The following MYRIP variants were observed in gnomAD, a reference collection of about 807,000 sequenced individuals.
MYRIP encodes the protein myosin VIIA and Rab interacting protein.
MYRIP carries 49 observed loss-of-function variants against 98.0 expected under a neutral mutation model. The ratio of observed to expected loss-of-function variants is 0.50; its 90% confidence interval spans 0.40 to 0.63. The LOEUF is 0.63. MYRIP is among the 30% of genes least tolerant of loss of function. MYRIP has a pLI of 0.00. For missense variants in MYRIP, 1,004 were observed against 1,058.2 expected (o/e 0.95, Z 0.71); for synonymous variants, 404 against 409.5 (o/e 0.99, Z 0.16).
intron 16 of MYRIP, among the ~76,000 whole-genome samples, chr3:40,254,962 T>C (rs1375816907): frequency 6.6e-6 from 1 of 152,188 alleles, no homozygotes; most frequent in Non-Finnish European, 1.5e-5. Flanking sequence ...CCTATCATTG[T>C]CCCTGTCTCA....
At chr3:40,098,842 C>T (rs1026449860) in intron 3 of MYRIP, among the ~76,000 whole-genome samples, 11 of 139,832 alleles carry the variant, frequency 7.9e-5, no homozygotes, top group Non-Finnish European at 3.0e-5. Context: ...TGACATTTTA[C>T]AGTCATTTCC....
At chr3:40,031,392 C>A (rs1303141801) in intron 2 of MYRIP, among the ~76,000 whole-genome samples, 2 of 152,134 alleles carry the variant, frequency 1.3e-5, no homozygotes, top group South Asian at 4.1e-4. Context: ...GAATTTAAAA[C>A]CAGAGTGGTC....
At chr3:39,952,664 C>T (rs752344693) in intron 2 of MYRIP, among the ~76,000 whole-genome samples, 7 of 152,016 alleles carry the variant, frequency 4.6e-5, no homozygotes, top group East Asian at 1.9e-4. Flanking sequence ...GAATGAAATA[C>T]GAAGTGTTTT....
At chr3:40,164,606 T>C (rs984638616) in intron 5 of MYRIP, among the ~76,000 whole-genome samples, 5 of 152,224 alleles carry the variant, frequency 3.3e-5, no homozygotes. Context: ...TTTGATTAAA[T>C]AACTGGGTAC....
intron 2 of MYRIP, among the ~76,000 whole-genome samples, chr3:39,959,420 G>A (rs7652018): frequency 0.39 from 59,426 of 151,614 alleles, 12,046 homozygotes; most frequent in African/African-American, 0.49. Flanking sequence ...AACTATCGCA[G>A]GGACAGAAAA....
rs1224210763 is a variant in MYRIP at position 39,886,419 on chromosome 3, T to A, written c.-30-14368T>A. Among the ~76,000 whole-genome samples the A allele has an allele frequency of 5.4e-5, 8 of 148,444 alleles. No individual in the cohort carries two copies. In the South Asian group the frequency reaches 6.5e-4, roughly 12 times the overall value. On this transcript the variant is annotated intron_variant, in intron 1 of 16. Coordinates refer to ENST00000302541, the MANE Select transcript of MYRIP (RefSeq NM_015460.4). ...AAATTGGATAAAGAGTCAAGACCCATCAGTGTGCTGTATTCAGGAAACCCA... is the reference window on the plus strand; with the variant it reads ...AAATTGGATAAAGAGTCAAGACCCAACAGTGTGCTGTATTCAGGAAACCCA...
At chr3:40,060,898 A>T (rs1947999300) in intron 3 of MYRIP, among the ~76,000 whole-genome samples, 1 of 152,116 alleles carries the variant, frequency 6.6e-6, no homozygotes, top group Admixed American at 6.6e-5. Flanking sequence ...CGACCTAGAT[A>T]TTTTTATATT....
chr3:40,220,144 T>C (rs1952291663), intron 11 of MYRIP, among the ~76,000 whole-genome samples: 1 of 152,092 alleles, frequency 6.6e-6, no homozygotes, highest in Non-Finnish European at 1.5e-5. Context: ...TTTTGAGAAG[T>C]GTCTGTTCAT....
chr3:40,117,184 G>C (rs1290886265), intron 3 of MYRIP, among the ~76,000 whole-genome samples: 1 of 152,090 alleles, frequency 6.6e-6, no homozygotes, highest in Admixed American at 6.6e-5. Flanking sequence ...CCACCCTTTG[G>C]TGGCCAGTTT....
chr3:39,951,760 C>A (rs1028091886), intron 2 of MYRIP, among the ~76,000 whole-genome samples: 5 of 152,024 alleles, frequency 3.3e-5, no homozygotes, highest in African/African-American at 1.2e-4. Flanking sequence ...GTTTGCTGAC[C>A]CCTATTCTAG....
chr3:40,057,427 C>T (rs2371141), intron 3 of MYRIP, among the ~76,000 whole-genome samples: 44,175 of 151,956 alleles, frequency 0.29, 6,502 homozygotes, highest in East Asian at 0.36. Context: ...CACATCAGAG[C>T]CCTTGAATGA....
intron 13 of MYRIP, among the ~76,000 whole-genome samples, chr3:40,247,988 C>A (rs563241737): frequency 6.6e-6 from 1 of 152,364 alleles, no homozygotes; most frequent in South Asian, 2.1e-4. Flanking sequence ...GCCAGGCATG[C>A]GGAAATTCTC....
At chr3:40,230,634 C>T (rs775208240) in intron 11 of MYRIP, among the ~76,000 whole-genome samples, 13 of 152,118 alleles carry the variant, frequency 8.5e-5, no homozygotes, top group Non-Finnish European at 1.5e-4. Flanking sequence ...GTGCATGGTC[C>T]ACACCCACCC....
intron 1 of MYRIP, chr3:39,810,575 A>C (rs1940643689): frequency 6.6e-6 from 1 of 152,240 alleles, no homozygotes; most frequent in Non-Finnish European, 1.5e-5. Flanking sequence ...GGGGCTCTAC[A>C]TAGATTTGGA....
chr3:39,963,002 TAAA>T (rs1262596777), intron 2 of MYRIP, among the ~76,000 whole-genome samples: 3 of 152,238 alleles, frequency 2.0e-5, no homozygotes, highest in Non-Finnish European at 4.4e-5. Context: ...CAACAGTAAA[TAAA>T]ATTATGTGCA....
intron 1 of MYRIP, among the ~76,000 whole-genome samples, chr3:39,825,588 T>G (rs1009700240): frequency 2.0e-5 from 3 of 152,136 alleles, no homozygotes; most frequent in Non-Finnish European, 2.9e-5. Context: ...GTGGGTTTTT[T>G]GTTTGTTAAG....
At chr3:40,063,787 GAGATGAATTGATC>G (rs1948070953) in intron 3 of MYRIP, among the ~76,000 whole-genome samples, 1 of 152,210 alleles carries the variant, frequency 6.6e-6, no homozygotes, top group Non-Finnish European at 1.5e-5. Flanking sequence ...CAAGGTTAAA[GAGATGAATTGATC>G]ACTATTCATG....
chr3:40,086,067 G>A (rs1208168054), intron 3 of MYRIP, among the ~76,000 whole-genome samples: 1 of 152,118 alleles, frequency 6.6e-6, no homozygotes, highest in Non-Finnish European at 1.5e-5. Flanking sequence ...AATAAATTAG[G>A]ATGGGATCCC....
intron 10 of MYRIP, among the ~76,000 whole-genome samples, chr3:40,199,147 A>C (rs144444038): frequency 6.1e-4 from 93 of 152,282 alleles, no homozygotes; most frequent in African/African-American, 2.1e-3. Flanking sequence ...CCATTCCTTA[A>C]AGGATGCTGC....
Sources: allele counts gnomAD v4.1 joint callset (sites outside exome capture counted in the v4.1 genomes callset), GRCh38; gene constraint gnomAD v4.1.1; transcripts MANE v1.5; gene names NCBI Gene and HGNC (gene_info 2026-07-23, HGNC 2026-07-21).